TENM4: variants seen among roughly 807,000 people sequenced by gnomAD.
The protein encoded by TENM4 is teneurin-4.
A neutral mutation model predicts 243.3 loss-of-function variants in TENM4; 82 were observed. That is an observed-to-expected ratio of 0.34 (90% CI 0.28 to 0.40). The LOEUF (loss-of-function observed/expected upper bound fraction) is 0.40. TENM4 is among the 10% of genes least tolerant of loss of function. TENM4 has a pLI of 1.00. For synonymous variants in TENM4, 1,412 were observed against 1,456.3 expected, an observed-to-expected ratio of 0.97 and a Z score of 0.69; for missense variants, 3,138 against 3,673.3, an observed-to-expected ratio of 0.85 and a Z score of 3.77.
At chr11:78,875,332 T>G (rs1859242863) in intron 9 of TENM4, among the ~76,000 whole-genome samples, 1 of 152,038 alleles carries the variant, frequency 6.6e-6, no homozygotes, top group African/African-American at 2.4e-5. Flanking sequence ...GCCTCTCGAG[T>G]AGTTGAGATT....
At position 79,418,635 on chromosome 11, in the gene TENM4, C is replaced by T. The variant is rs149833500; in HGVS notation, c.-321+21874G>A. Among the ~76,000 whole-genome samples, 461 of 152,308 alleles carry T rather than the reference C, an allele frequency of 3.0e-3. 4 individuals are homozygous for T. Among genetic ancestry groups the T allele is most frequent in the African/African-American group, 0.01 (422 of 41,556 alleles). ...ATGCTATTCCCTGCAACTGGAATGT[C>T]CTCTCTGGTCACCCTGGTGAACTCT... On this transcript the variant is annotated intron_variant, in intron 1 of 33. Transcript: ENST00000278550.
chr11:78,718,554 C>T (rs892938765), intron 25 of TENM4, among the ~76,000 whole-genome samples: 3 of 152,176 alleles, frequency 2.0e-5, no homozygotes, highest in African/African-American at 4.8e-5. Context: ...GCTATGTCCC[C>T]CTGGGTCATG....
intron 4 of TENM4, among the ~76,000 whole-genome samples, chr11:79,077,381 G>C (rs1031565297): frequency 6.6e-6 from 1 of 152,144 alleles, no homozygotes; most frequent in Non-Finnish European, 1.5e-5. Flanking sequence ...GAAAACCAAA[G>C]AATGTCAAGT....
intron 2 of TENM4, among the ~76,000 whole-genome samples, chr11:79,216,436 A>G (rs895843199): frequency 1.6e-4 from 24 of 152,230 alleles, no homozygotes; most frequent in African/African-American, 5.1e-4. Context: ...CACCAGACAA[A>G]TAAGTCACTG....
intron 6 of TENM4, among the ~76,000 whole-genome samples, chr11:78,957,705 T>G (rs1857236866): frequency 6.6e-6 from 1 of 152,082 alleles, no homozygotes; most frequent in Non-Finnish European, 1.5e-5. Flanking sequence ...AAGGACCCAG[T>G]GCTGAAAAAA....
At chr11:78,676,743 A>G (rs1255991460) in intron 29 of TENM4, among the ~76,000 whole-genome samples, 2 of 152,240 alleles carry the variant, frequency 1.3e-5, no homozygotes, top group Non-Finnish European at 2.9e-5. Context: ...TAATGACCAT[A>G]CAATATTCCA....
chr11:79,154,401 A>C (rs1862563988), intron 3 of TENM4, among the ~76,000 whole-genome samples: 1 of 152,006 alleles, frequency 6.6e-6, no homozygotes, highest in Non-Finnish European at 1.5e-5. Flanking sequence ...TTCATGACAG[A>C]TCTGTCCCCA....
rs116631681 is a variant in TENM4, at chr11:79,108,461, G to A, written c.-65-38452C>T. Among the ~76,000 whole-genome samples the A allele has an allele frequency of 6.8e-3, 1,027 of 152,112 alleles. 14 individuals carry two copies. The highest frequency in any genetic ancestry group is 0.024 in the African/African-American group (984 of 41,498). On this transcript the variant is annotated intron_variant, in intron 4 of 33. Coordinates refer to ENST00000278550, the MANE Select transcript of TENM4 (RefSeq NM_001098816.3). ...GTGAGCCAATTCCTTAAAATAATAT[G>A]TATGTATATATTAAGAGATTACACA...
intron 6 of TENM4, 168 bp downstream of exon 6, chr11:79,064,570 G>T: frequency 1.2e-6 from 1 of 847,902 alleles, no homozygotes; most frequent in Non-Finnish European, 1.8e-6. Flanking sequence ...CTCATGGGTG[G>T]GCATTTCACG....
chr11:78,767,429 A>G (rs1856560790), intron 18 of TENM4, among the ~76,000 whole-genome samples: 1 of 152,212 alleles, frequency 6.6e-6, no homozygotes, highest in African/African-American at 2.4e-5. Context: ...AAGTACTCAC[A>G]CTACACTTCT....
intron 7 of TENM4, among the ~76,000 whole-genome samples, chr11:78,898,107 G>T (rs1014886970): frequency 5.3e-5 from 8 of 152,192 alleles, no homozygotes; most frequent in African/African-American, 1.4e-4. Context: ...GCTCCCTCCA[G>T]AATGGATCAC....
intron 33 of TENM4, among the ~76,000 whole-genome samples, chr11:78,660,889 A>T (rs1179504636): frequency 1.3e-5 from 2 of 152,184 alleles, no homozygotes; most frequent in Non-Finnish European, 2.9e-5. Flanking sequence ...GCGAGACAAG[A>T]GAAAGTGAGT....
At chr11:79,432,232 G>C (rs1292603114) in intron 1 of TENM4, among the ~76,000 whole-genome samples, 1 of 152,118 alleles carries the variant, frequency 6.6e-6, no homozygotes, top group African/African-American at 2.4e-5. Flanking sequence ...CAAGGCAAGA[G>C]CTGCCTTCTT....
intron 3 of TENM4, among the ~76,000 whole-genome samples, chr11:79,162,371 C>G (rs915107407): frequency 1.3e-5 from 2 of 152,114 alleles, no homozygotes; most frequent in Admixed American, 1.3e-4. Context: ...TAGTTAACAT[C>G]ATAAAGGGCT....
At chr11:79,285,064 C>A (rs1590851123) in intron 2 of TENM4, among the ~76,000 whole-genome samples, 2 of 152,058 alleles carry the variant, frequency 1.3e-5, no homozygotes, top group South Asian at 4.2e-4. Context: ...ATGGTGAAAC[C>A]CCGTCTCTAC....
chr11:78,657,373 A>AG lies in TENM4; in HGVS notation c.*684dup, dbSNP rs148170727. ...ACTACACAGGATTTGCAAAAGTGGT[A>AG]GGGGGTTTCATTCAGCATCAAAATA... On this transcript the variant is annotated 3_prime_UTR_variant, in exon 34 of 34. Coordinates refer to ENST00000278550, the MANE Select transcript of TENM4 (RefSeq NM_001098816.3). The AG allele has an allele frequency of 4.6e-3, 1,839 of 397,412 alleles. 29 individuals carry two copies. Among genetic ancestry groups the AG allele is most frequent in the African/African-American group, 0.032 (1,563 of 48,706 alleles). The allele number at this position is 397,412 out of a possible 1,614,324, so 24.6% of individuals were successfully genotyped here. A position where few individuals can be genotyped will look rare whatever the true frequency, so the allele number is the denominator to read the frequency against.
At chr11:79,130,672 A>T (rs1861984363) in intron 4 of TENM4, among the ~76,000 whole-genome samples, 1 of 152,010 alleles carries the variant, frequency 6.6e-6, no homozygotes, top group South Asian at 2.1e-4. Context: ...AAATACAAAA[A>T]ATTAGCTGGG....
At chr11:79,013,550 T>C (rs1858702312) in intron 6 of TENM4, among the ~76,000 whole-genome samples, 1 of 151,986 alleles carries the variant, frequency 6.6e-6, no homozygotes, top group Non-Finnish European at 1.5e-5. Context: ...AATCATGGGG[T>C]GGGGAAGTGA....
intron 16 of TENM4, among the ~76,000 whole-genome samples, chr11:78,780,242 T>C (rs1856814801): frequency 6.6e-6 from 1 of 152,180 alleles, no homozygotes; most frequent in Non-Finnish European, 1.5e-5. Flanking sequence ...TAAAGGGAAA[T>C]CTTTCTTGAT....
Sources: gnomAD v4.1 joint callset for allele counts (sites outside exome capture counted in the v4.1 genomes callset) on GRCh38, gnomAD v4.1.1 for gene constraint, MANE v1.5 for transcripts, NCBI Gene and HGNC (gene_info 2026-07-23, HGNC 2026-07-21) for gene names.